Variants in USH2A observed in about 807,000 individuals in gnomAD.
USH2A encodes Usher syndrome 2A (autosomal recessive, mild).
USH2A carries 443 observed loss-of-function variants against 538.9 expected under a neutral mutation model. The ratio of observed to expected loss-of-function variants is 0.82; its 90% CI spans 0.76 to 0.89. The LOEUF is 0.89. Among genes scored for constraint, USH2A ranks in the 40% least tolerant of loss-of-function variants. The pLI, the probability that USH2A is intolerant of heterozygous loss-of-function variation, is 0.00. For missense variants in USH2A, 6,633 were observed against 6,324.8 expected, an observed-to-expected ratio of 1.05 and a Z score of -1.65; for synonymous variants, 2,413 against 2,273.5, an observed-to-expected ratio of 1.06 and a Z score of -1.75.
intron 31 of USH2A, among the ~76,000 whole-genome samples, chr1:216,047,552 C>T (rs758345520): frequency 2.1e-4 from 32 of 151,352 alleles, no homozygotes; most frequent in Non-Finnish European, 4.1e-4. Flanking sequence ...TATTAAGGGT[C>T]ACAAGAAGGA....
At chr1:216,180,094 C>T (rs1324199369) in intron 20 of USH2A, among the ~76,000 whole-genome samples, 1 of 151,948 alleles carries the variant, frequency 6.6e-6, no homozygotes, top group Non-Finnish European at 1.5e-5. Flanking sequence ...AAACAAGTTT[C>T]TATACAAATA....
chr1:216,420,929 T>G (rs1174913804), intron 2 of USH2A, among the ~76,000 whole-genome samples: 1 of 152,174 alleles, frequency 6.6e-6, no homozygotes, highest in Admixed American at 6.6e-5. Flanking sequence ...AATCCTTTTC[T>G]GGTTTGTTTC....
At chr1:215,713,270 C>A (rs1205612675) in intron 61 of USH2A, among the ~76,000 whole-genome samples, 2 of 152,142 alleles carry the variant, frequency 1.3e-5, no homozygotes, top group Non-Finnish European at 2.9e-5. Context: ...TCAGTTCCTG[C>A]GACTCTAAGA....
At chr1:216,316,957 G>T (rs991760843) in intron 9 of USH2A, among the ~76,000 whole-genome samples, 1 of 152,154 alleles carries the variant, frequency 6.6e-6, no homozygotes, top group African/African-American at 2.4e-5. Flanking sequence ...ATTTGTTTAA[G>T]TTCCTTCTAG....
chr1:215,768,973 T>C (rs1203816066), intron 55 of USH2A, among the ~76,000 whole-genome samples: 2 of 152,158 alleles, frequency 1.3e-5, no homozygotes, highest in South Asian at 2.1e-4. Context: ...TAGTGTCCCA[T>C]AAGGATTGCA....
intron 21 of USH2A, among the ~76,000 whole-genome samples, chr1:216,163,557 T>C (rs531129630): frequency 1.3e-5 from 2 of 152,130 alleles, no homozygotes; most frequent in African/African-American, 4.8e-5. Flanking sequence ...CGACATTGTA[T>C]AGGAAAAAAT....
chr1:216,008,077 C>G (rs917509588), intron 32 of USH2A, among the ~76,000 whole-genome samples: 2 of 152,118 alleles, frequency 1.3e-5, no homozygotes, highest in African/African-American at 4.8e-5. Context: ...TAAGCTAATT[C>G]ACACCAAAAA....
At chr1:216,168,421 A>G (rs1398718827) in intron 21 of USH2A, among the ~76,000 whole-genome samples, 1 of 152,188 alleles carries the variant, frequency 6.6e-6, no homozygotes, top group Non-Finnish European at 1.5e-5. Context: ...GAAAATTATG[A>G]CAGTGAAAGA....
chr1:215,996,673 A>G (rs78285700), intron 34 of USH2A, among the ~76,000 whole-genome samples: 5,397 of 140,156 alleles, frequency 0.039, 316 homozygotes, highest in African/African-American at 0.14. Flanking sequence ...ATTCATATCA[A>G]AAGTCTTAGA....
chr1:216,251,350 A>G (rs1228117768), intron 11 of USH2A, among the ~76,000 whole-genome samples: 1 of 152,012 alleles, frequency 6.6e-6, no homozygotes. Flanking sequence ...TTAACCATTC[A>G]ATGCTATATA....
intron 70 of USH2A, among the ~76,000 whole-genome samples, chr1:215,630,416 GTA>G (rs1189527571): frequency 6.8e-6 from 1 of 147,160 alleles, no homozygotes; most frequent in African/African-American, 2.5e-5. Context: ...ATATGTGTGT[GTA>G]TATATATGTG....
At chr1:216,250,128 T>C (rs1374865668) in intron 12 of USH2A, among the ~76,000 whole-genome samples, 3 of 152,192 alleles carry the variant, frequency 2.0e-5, no homozygotes, top group East Asian at 1.9e-4. Context: ...ATTATGAACA[T>C]AGTGCATTTT....
chr1:215,628,800 G>C lies in USH2A; in HGVS notation c.15519+14C>G. 1 of 1,613,822 alleles carries C rather than the reference G, an allele frequency of 6.2e-7. No homozygotes were observed. Among genetic ancestry groups the C allele is most frequent in the Non-Finnish European group, 8.5e-7 (1 of 1,179,756 alleles). On this transcript the variant is annotated intron_variant, in intron 71 of 71. Transcript: ENST00000307340. ...GATATTTAGCAAAGGCCCTGTATGA[G>C]GAAACCAACTCACCAGTCCACTGTT... is the stretch of plus-strand genomic sequence containing the variant.
chr1:215,692,427 A>G (rs999680195), intron 61 of USH2A, among the ~76,000 whole-genome samples: 6 of 150,000 alleles, frequency 4.0e-5, no homozygotes, highest in Non-Finnish European at 7.4e-5. Context: ...GAGATTGATG[A>G]CTCAGGAGAG....
At chr1:215,772,907 G>A (rs1222677517) in intron 55 of USH2A, among the ~76,000 whole-genome samples, 1 of 152,138 alleles carries the variant, frequency 6.6e-6, no homozygotes, top group African/African-American at 2.4e-5. Flanking sequence ...GTTTTTGTTT[G>A]GTGCTTATAA....
intron 32 of USH2A, among the ~76,000 whole-genome samples, chr1:216,030,345 T>C (rs1669081763): frequency 7.3e-6 from 1 of 136,946 alleles, no homozygotes; most frequent in Admixed American, 7.9e-5. Flanking sequence ...GATATATAGA[T>C]ATACATCACA....
intron 27 of USH2A, among the ~76,000 whole-genome samples, chr1:216,076,569 C>T (rs955686124): frequency 8.6e-5 from 13 of 151,728 alleles, no homozygotes; most frequent in African/African-American, 1.9e-4. Context: ...CTCACTCATA[C>T]GAAGGGTTTT....
rs397518017 is a variant in USH2A, at chr1:216,089,061, T to C, written c.4837A>G (p.Ile1613Val). ...SDGKWHEIIAIRHQAFGQITL... is the reference protein window; with the variant it reads ...SDGKWHEIIAVRHQAFGQITL... ...ATTTGGCCAAAAGCCTGATGCCTAA[T>C]AGCAATTATTTCATGCCATTTTCCA... The change falls in exon 23 of 72, where the codon ATT (isoleucine) becomes GTT (valine). Residue 1613 changes from isoleucine to valine, a missense_variant. Transcript: ENST00000307340. 1.4e-5 allele frequency: 22 copies of C among 1,613,414 alleles called. No homozygotes were observed. Among genetic ancestry groups the C allele is most frequent in the Non-Finnish European group, 1.7e-5 (20 of 1,179,616 alleles).
intron 47 of USH2A, 120 bp from the exon 48 acceptor site, chr1:215,817,315 A>G (rs932341204): frequency 2.1e-5 from 10 of 477,186 alleles, no homozygotes; most frequent in Non-Finnish European, 3.1e-5. Flanking sequence ...ATATATGTTT[A>G]TATATGAAAT....
Sources: gnomAD v4.1 joint callset for allele counts (sites outside exome capture counted in the v4.1 genomes callset) on GRCh38, gnomAD v4.1.1 for gene constraint, MANE v1.5 for transcripts, NCBI Gene and HGNC (gene_info 2026-07-23, HGNC 2026-07-21) for gene names.